Variants in BLTP2 observed in about 807,000 individuals in gnomAD.
BLTP2 encodes U937-associated antigen.
the BLTP2 span, chr17:28,619,637 A>G: frequency 6.2e-7 from 1 of 1,613,060 alleles, no homozygotes; most frequent in South Asian, 1.1e-5. Flanking sequence ...AAGGGCAAGG[A>G]AAGAATGCTG....
chr17:28,634,381 G>A, the BLTP2 span: 1 of 846,696 alleles, frequency 1.2e-6, no homozygotes, highest in Non-Finnish European at 1.9e-6. Flanking sequence ...AAAGGGAAGG[G>A]AAGCCCACCC....
chr17:28,637,181 G>A, the BLTP2 span: 1 of 1,612,882 alleles, frequency 6.2e-7, no homozygotes, highest in Non-Finnish European at 8.5e-7. Flanking sequence ...CTAACAACCA[G>A]AAACCATGTC....
the BLTP2 span, chr17:28,642,085 G>A: frequency 1.1e-5 from 17 of 1,612,816 alleles, no homozygotes; most frequent in Non-Finnish European, 1.4e-5. Flanking sequence ...CCTCCTGTGG[G>A]GATGATAAGC....
the BLTP2 span, chr17:28,620,454 A>G: frequency 1.3e-6 from 2 of 1,593,950 alleles, no homozygotes; most frequent in East Asian, 2.2e-5. Context: ...AATAAAGCAC[A>G]AAGTCTGGGT....
the BLTP2 span, among the ~76,000 whole-genome samples, chr17:28,630,373 G>T: frequency 6.6e-6 from 1 of 151,380 alleles, no homozygotes; most frequent in African/African-American, 2.4e-5. Context: ...GCCCAGACTG[G>T]TCTCAAACTC....
chr17:28,638,506 T>G, the BLTP2 span: 1 of 1,601,264 alleles, frequency 6.2e-7, no homozygotes, highest in Non-Finnish European at 8.6e-7. Flanking sequence ...TTGTTCCTAT[T>G]CCATCTGAGA....
chr17:28,644,163 G>C, the BLTP2 span: 1 of 1,613,750 alleles, frequency 6.2e-7, no homozygotes, highest in Non-Finnish European at 8.5e-7. Context: ...GACACCACTT[G>C]GTGGCCAACC....
At chr17:28,637,155 C>G in the BLTP2 span, 1 of 1,613,900 alleles carries the variant, frequency 6.2e-7, no homozygotes, top group Admixed American at 1.7e-5. Flanking sequence ...GGTGTCCAGT[C>G]GTACCTCTGA....
At chr17:28,628,626 A>T in the BLTP2 span, 2 of 1,399,854 alleles carry the variant, frequency 1.4e-6, no homozygotes, top group Non-Finnish European at 2.0e-6. Context: ...AGGCAGTGAT[A>T]AAAGTTTGTT....
chr17:28,619,682 C>G, the BLTP2 span: 2 of 1,613,878 alleles, frequency 1.2e-6, no homozygotes, highest in Non-Finnish European at 1.7e-6. Flanking sequence ...TCTTCACTTT[C>G]CAGCTGCAGG....
chr17:28,632,313 C>A, the BLTP2 span: 1 of 1,392,016 alleles, frequency 7.2e-7, no homozygotes, highest in Admixed American at 2.1e-5. Context: ...TCCCTTGCTG[C>A]AGGTTGTAGA....
the BLTP2 span, chr17:28,644,910 C>A: frequency 1.5e-6 from 2 of 1,303,092 alleles, no homozygotes; most frequent in Non-Finnish European, 2.2e-6. Flanking sequence ...CGCGCGCCCC[C>A]TCCTCAGTCT....
At chr17:28,636,974 G>A in the BLTP2 span, 1 of 1,614,020 alleles carries the variant, frequency 6.2e-7, no homozygotes, top group South Asian at 1.1e-5. Flanking sequence ...CCTCCAGAGA[G>A]CGGATGCTGC....
chr17:28,625,921 T>C, the BLTP2 span, among the ~76,000 whole-genome samples: 1 of 152,232 alleles, frequency 6.6e-6, no homozygotes, highest in African/African-American at 2.4e-5. Flanking sequence ...CACACCACCA[T>C]GCCCAGCTAA....
chr17:28,622,831 C>T, the BLTP2 span, among the ~76,000 whole-genome samples: 1 of 152,112 alleles, frequency 6.6e-6, no homozygotes, highest in Non-Finnish European at 1.5e-5. Context: ...AATCCCAGCA[C>T]TTTGGGAGGC....
the BLTP2 span, chr17:28,632,068 G>C: frequency 6.2e-7 from 1 of 1,613,652 alleles, no homozygotes; most frequent in Non-Finnish European, 8.5e-7. Flanking sequence ...GGGAAAGAGG[G>C]CTGTATAGGA....
the BLTP2 span, among the ~76,000 whole-genome samples, chr17:28,641,128 G>A: frequency 6.6e-5 from 10 of 152,200 alleles, no homozygotes; most frequent in African/African-American, 2.4e-4. Context: ...ACATACTCAA[G>A]TCCAGCAGTT....
the BLTP2 span, chr17:28,640,821 C>T: frequency 5.4e-6 from 4 of 743,382 alleles, no homozygotes; most frequent in Admixed American, 7.9e-5. Context: ...GACCATAAGG[C>T]GAATGCCCCA....
At chr17:28,616,879 GCTTA>G in the BLTP2 span, 1 of 1,609,936 alleles carries the variant, frequency 6.2e-7, no homozygotes, top group Non-Finnish European at 8.5e-7. This position sits in a 1 kb window ranked among gnomAD's most constrained non-coding sequence, Gnocchi z 4.8. Flanking sequence ...CTAAGGGACT[GCTTA>G]CTAACCTCAA....
Sources: gnomAD v4.1 joint callset for allele counts (sites outside exome capture counted in the v4.1 genomes callset) on GRCh38, gnomAD v4.1.1 for gene constraint, Gnocchi (gnomAD v3.1) non-coding constraint, MANE v1.5 for transcripts, NCBI Gene and HGNC (gene_info 2026-07-23, HGNC 2026-07-21) for gene names.